The following FRMPD1 variants were observed in gnomAD, a reference collection of about 807,000 sequenced individuals.
The protein encoded by FRMPD1 is FERM and PDZ domain containing 1, also known as FERM and PDZ domain-containing protein 1.
FRMPD1 carries 76 observed loss-of-function variants against 117.8 expected under a neutral mutation model. The ratio of observed to expected loss-of-function variants is 0.65; its 90% CI spans 0.54 to 0.78. The LOEUF (loss-of-function observed/expected upper bound fraction) is 0.78, where lower values mean the gene tolerates loss of function less well. Among genes scored for constraint, FRMPD1 ranks in the 30% least tolerant of loss-of-function variants. FRMPD1 has a pLI of 0.00. For missense variants in FRMPD1, 1,786 were observed against 1,964.5 expected, an observed-to-expected ratio of 0.91 and a Z score of 1.72; for synonymous variants, 783 against 770.4, an observed-to-expected ratio of 1.02 and a Z score of -0.27.
the FRMPD1 span, chr9:37,637,196 T>C: frequency 5.0e-6 from 8 of 1,610,356 alleles, no homozygotes; most frequent in Non-Finnish European, 6.8e-6. Flanking sequence ...GCTCTCTGTG[T>C]AAGGGTCATC....
intron 5 of FRMPD1, among the ~76,000 whole-genome samples, chr9:37,718,186 G>A (rs774431575): frequency 5.3e-5 from 8 of 152,190 alleles, no homozygotes; most frequent in Non-Finnish European, 8.8e-5. Context: ...GTCTGTTGGT[G>A]TTTGAGTCTA....
chr9:37,698,448 T>C (rs1822406208), intron 2 of FRMPD1, among the ~76,000 whole-genome samples: 1 of 152,034 alleles, frequency 6.6e-6, no homozygotes. Context: ...AGATTGGACC[T>C]GTTTCTGGGC....
intron 9 of FRMPD1, 25 bp from the exon 10 acceptor site, chr9:37,732,279 A>G (rs1161145447): frequency 6.2e-7 from 1 of 1,610,998 alleles, no homozygotes; most frequent in African/African-American, 1.3e-5. Context: ...TTTGTTTCCC[A>G]TCTGCTCTAT....
chr9:37,650,421 AAGG>A (rs1200216414), upstream of FRMPD1, among the ~76,000 whole-genome samples: 1 of 152,082 alleles, frequency 6.6e-6, no homozygotes, highest in Admixed American at 6.5e-5. Flanking sequence ...CCCAGCGCGG[AAGG>A]AGTTTACAGA....
intron 1 of FRMPD1, among the ~76,000 whole-genome samples, chr9:37,675,661 A>G (rs534887956): frequency 2.4e-4 from 36 of 152,312 alleles, no homozygotes; most frequent in African/African-American, 7.9e-4. Context: ...GTGTCCCAGC[A>G]TGGGCTGGTG....
At position 37,746,429 on chromosome 9, in the gene FRMPD1, C is replaced by T; in HGVS notation, c.4397C>T (p.Ser1466Phe). 1 of 1,613,650 alleles carries T rather than the reference C, an allele frequency of 6.2e-7. No homozygotes were observed. Among genetic ancestry groups the T allele is most frequent in the Non-Finnish European group, 8.5e-7 (1 of 1,180,018 alleles). ...TESRSRLCMG[S>F]QKLLSSCRHV... ...AGCCGGAGCCGCCTCTGCATGGGCTCCCAGAAGCTCCTGTCGAGCTGTCGG... is the reference window on the plus strand; with the variant it reads ...AGCCGGAGCCGCCTCTGCATGGGCTTCCAGAAGCTCCTGTCGAGCTGTCGG... The change falls in exon 16 of 16, where the codon TCC becomes TTC. Residue 1466 changes from serine to phenylalanine, a missense_variant. By Grantham distance (155) the Ser-to-Phe change is radical. Transcript: ENST00000377765.
chr9:37,745,287 T>G lies in FRMPD1; in HGVS notation c.3255T>G (p.Asp1085Glu). Residue 1085 changes from aspartate to glutamate, a missense_variant, in exon 16 of 16, where the codon GAT becomes GAG. Asp to Glu is a conservative substitution (Grantham distance 45). Transcript: ENST00000377765. ...LLSPRDEPRS[D>E]ECGINPGEKI... ...CTCCTAGAGATGAGCCTAGAAGTGA[T>G]GAATGTGGAATAAATCCAGGAGAGA... 3 of 1,612,104 alleles carry G rather than the reference T, an allele frequency of 1.9e-6. No homozygotes were observed. The South Asian group carries it at 3.3e-5, about 18-fold the overall frequency.
intron 1 of FRMPD1, among the ~76,000 whole-genome samples, chr9:37,653,869 T>C (rs1321149409): frequency 2.0e-5 from 3 of 152,010 alleles, no homozygotes; most frequent in Admixed American, 2.0e-4. Flanking sequence ...GGTGCTGAGG[T>C]GGGAGGATCA....
At chr9:37,669,221 A>C (rs1243010610) in intron 1 of FRMPD1, among the ~76,000 whole-genome samples, 2 of 152,242 alleles carry the variant, frequency 1.3e-5, no homozygotes, top group Non-Finnish European at 2.9e-5. Flanking sequence ...TCTTAATTAA[A>C]ATGAATCTTC....
Position 37,733,580 on chromosome 9 carries a change from T to TG in FRMPD1, c.1104dup (p.Leu369AlafsTer34), listed in dbSNP as rs1321289056. 1 of 1,614,082 alleles carries TG rather than the reference T, an allele frequency of 6.2e-7. No individual in the cohort carries two copies. ...TTCCACATGAAGAGGAACCAGAATT[T>TG]GCTGGAACCCCGACAGAAGGTAATG... On this transcript the variant is annotated frameshift_variant, in exon 11 of 16. Transcript: ENST00000377765. LOFTEE classifies it high-confidence loss of function.
Position 37,745,101 on chromosome 9 carries a change from C to G in FRMPD1, c.3069C>G (p.Asp1023Glu). Residue 1023 changes from aspartate to glutamate, a missense_variant, in exon 16 of 16, where the codon GAC becomes GAG. Coordinates refer to ENST00000377765, the MANE Select transcript of FRMPD1 (RefSeq NM_014907.3). ...FSLSSGDPNPDRACLASNPGL... is the reference protein window; with the variant it reads ...FSLSSGDPNPERACLASNPGL... ...TCTCCAGTGGTGACCCTAACCCAGACAGAGCCTGCCTGGCCAGCAACCCAG... is the reference window on the plus strand; with the variant it reads ...TCTCCAGTGGTGACCCTAACCCAGAGAGAGCCTGCCTGGCCAGCAACCCAG... 6.2e-7 allele frequency: 1 copy of G among 1,614,136 alleles called. No homozygotes were observed. Among genetic ancestry groups the G allele is most frequent in the Non-Finnish European group, 8.5e-7 (1 of 1,180,004 alleles).
At chr9:37,613,985 A>G in the FRMPD1 span, among the ~76,000 whole-genome samples, 1 of 152,262 alleles carries the variant, frequency 6.6e-6, no homozygotes, top group African/African-American at 2.4e-5. Context: ...GAATAAATAA[A>G]TGAAAGACTG....
chr9:37,710,557 G>T (rs1288276896), intron 4 of FRMPD1, among the ~76,000 whole-genome samples: 1 of 152,108 alleles, frequency 6.6e-6, no homozygotes, highest in Non-Finnish European at 1.5e-5. Context: ...AAACTCTTTG[G>T]CTTTTATCTG....
Position 37,746,301 on chromosome 9 carries a change from C to T in FRMPD1, c.4269C>T (p.Ile1423=). The stretch of plus-strand genomic sequence containing the variant: ...CTGCCAGCACCCCTGAGGGCTTCAT[C>T]CAACTCATGGAGAGCTTGCTGGAGC... ...ATPASTPEGF[I]QLMESLLELQ... The change falls in exon 16 of 16, where the codon ATC becomes ATT. Residue 1423 remains isoleucine, a synonymous_variant. Coordinates refer to ENST00000377765, the MANE Select transcript of FRMPD1 (RefSeq NM_014907.3). 2 of 1,612,776 alleles carry T rather than the reference C, an allele frequency of 1.2e-6. No homozygotes were observed. Among genetic ancestry groups the T allele is most frequent in the African/African-American group, 2.7e-5 (2 of 75,062 alleles).
the FRMPD1 span, among the ~76,000 whole-genome samples, chr9:37,630,017 G>C: frequency 6.6e-6 from 1 of 152,316 alleles, no homozygotes; most frequent in East Asian, 1.9e-4. Flanking sequence ...TCCTCATGGA[G>C]TGGAAGGTGC....
At chr9:37,628,802 A>G in the FRMPD1 span, among the ~76,000 whole-genome samples, 1 of 152,176 alleles carries the variant, frequency 6.6e-6, no homozygotes, top group East Asian at 1.9e-4. Flanking sequence ...CTGGTGCTGC[A>G]GCGTCTTCCC....
intron 2 of FRMPD1, among the ~76,000 whole-genome samples, chr9:37,696,016 T>C (rs1369725926): frequency 6.7e-6 from 1 of 149,772 alleles, no homozygotes; most frequent in Admixed American, 6.7e-5. Flanking sequence ...ACCTTGTTCC[T>C]CTTCTTTCCT....
chr9:37,703,132 G>A (rs932950153), intron 2 of FRMPD1, among the ~76,000 whole-genome samples: 1 of 152,102 alleles, frequency 6.6e-6, no homozygotes, highest in African/African-American at 2.4e-5. Flanking sequence ...TCAGTTCAAG[G>A]AATACCGGTC....
intron 14 of FRMPD1, among the ~76,000 whole-genome samples, chr9:37,738,868 A>AG (rs1295912612): frequency 6.6e-6 from 1 of 152,044 alleles, no homozygotes; most frequent in East Asian, 1.9e-4. Flanking sequence ...TTCAAGGCCG[A>AG]GGGGGCCTGG....
Sources: gnomAD v4.1 joint callset for allele counts (sites outside exome capture counted in the v4.1 genomes callset) on GRCh38, gnomAD v4.1.1 for gene constraint, MANE v1.5 for transcripts, NCBI Gene and HGNC (gene_info 2026-07-23, HGNC 2026-07-21) for gene names.